The following MRAP variants were observed in gnomAD, a reference collection of about 807,000 sequenced individuals.
MRAP encodes the protein melanocortin-2 receptor accessory protein.
In MRAP, 8 loss-of-function variants were observed where a neutral mutation model predicts 8.7. That is an observed-to-expected ratio of 0.92 (90% CI 0.54 to 1.66). The LOEUF is 1.66. Ranked by LOEUF, MRAP falls within the 40% of genes most tolerant of loss-of-function variation. The probability of loss-of-function intolerance (pLI) is 0.00; values close to 1 mark genes in which losing one functional copy is unlikely to be tolerated. For synonymous variants in MRAP, 95 were observed against 95.5 expected, an observed-to-expected ratio of 1.00 and a Z score of 0.03; for missense variants, 237 against 217.1, an observed-to-expected ratio of 1.09 and a Z score of -0.58.
chr21:32,293,350 G>T (rs1378169309), intron 2 of MRAP, among the ~76,000 whole-genome samples: 5 of 151,860 alleles, frequency 3.3e-5, no homozygotes, highest in African/African-American at 1.2e-4. Flanking sequence ...AATAGAAATT[G>T]ACATAAGGTA....
chr21:32,294,281 A>T (rs1411571817), upstream of MRAP, among the ~76,000 whole-genome samples: 1 of 151,804 alleles, frequency 6.6e-6, no homozygotes, highest in African/African-American at 2.4e-5. Context: ...CACCTGGCTA[A>T]TTTTTTTGTA....
Position 32,298,961 on chromosome 21 carries a change from G to C in MRAP, c.-11G>C. 6.2e-7 allele frequency: 1 copy of C among 1,609,108 alleles called. No individual in the cohort carries two copies. The highest frequency in any genetic ancestry group is 8.5e-7 in the Non-Finnish European group (1 of 1,175,516). ...TGCCGGCCCGGACGCTGACTGCCCA[G>C]TGCCACAGACATGGCCAACGGGACC... On this transcript the variant is annotated 5_prime_UTR_variant, in exon 1 of 3. Coordinates refer to ENST00000303645, the MANE Select transcript of MRAP (RefSeq NM_001379228.1).
chr21:32,299,922 C>G (rs1174327447), intron 1 of MRAP, among the ~76,000 whole-genome samples: 1 of 152,214 alleles, frequency 6.6e-6, no homozygotes, highest in East Asian at 1.9e-4. Flanking sequence ...ACAATCTTCT[C>G]TGAGGAGTCC....
In MRAP at chr21:32,311,682, A is replaced by T. The variant is rs2032575929; in HGVS notation, c.207-2A>T. 6.2e-7 allele frequency: 1 copy of T among 1,613,742 alleles called. No homozygotes were observed. Among genetic ancestry groups the T allele is most frequent in the Non-Finnish European group, 8.5e-7 (1 of 1,179,944 alleles). On this transcript the variant is annotated splice_acceptor_variant, in intron 2 of 2. Transcript: ENST00000303645. LOFTEE classifies it high-confidence loss of function. ...CTGCCTCCCACTCTGCTCTGTTCAC[A>T]GGAACAGCCCCAAGCACCACCAAAC...
chr21:32,295,713 T>C (rs4817480), upstream of MRAP, among the ~76,000 whole-genome samples: 53,783 of 151,966 alleles, frequency 0.35, 9,893 homozygotes, highest in East Asian at 0.49. Context: ...TGGTGGTTCA[T>C]GCCTGTAATC....
rs537525538 is a variant in MRAP at position 32,304,965 on chromosome 21, G to GTTTTTTTTTTTTTTTT, written c.107-1665_107-1650dup. 3.7e-4 allele frequency among the ~76,000 whole-genome samples: 29 copies of GTTTTTTTTTTTTTTTT among 78,126 alleles called. 2 individuals are homozygous for GTTTTTTTTTTTTTTTT. The highest frequency in any genetic ancestry group is 8.1e-4 in the African/African-American group (17 of 20,996). The allele number at this position is 78,126 out of a possible 152,430, so 51.3% of individuals were successfully genotyped here. A position where few individuals can be genotyped will look rare whatever the true frequency, so the allele number is the denominator to read the frequency against. ...TTGAGGGGGATTTGTTTTTTTTGTT[G>GTTTTTTTTTTTTTTTT]TTTTTTTTTTTTTTTTTTTTTTTTT... is the stretch of plus-strand genomic sequence containing the variant. On this transcript the variant is annotated intron_variant, in intron 1 of 2. Transcript: ENST00000303645.
intron 2 of MRAP, 30 bp from the exon 3 acceptor site, chr21:32,311,654 T>C (rs1238915332): frequency 3.7e-6 from 6 of 1,611,520 alleles, no homozygotes; most frequent in Non-Finnish European, 5.1e-6. Flanking sequence ...GCAACTATGA[T>C]GCCTGCCTCC....
chr21:32,297,678 C>T (rs556065573), upstream of MRAP, among the ~76,000 whole-genome samples: 1 of 152,180 alleles, frequency 6.6e-6, no homozygotes, highest in Non-Finnish European at 1.5e-5. Flanking sequence ...GGACACCCAG[C>T]GAGTGTCTAC....
chr21:32,300,732 T>C (rs940035208), intron 1 of MRAP, among the ~76,000 whole-genome samples: 4 of 40,316 alleles, frequency 9.9e-5, no homozygotes, highest in Non-Finnish European at 2.5e-4. Context: ...GCGTCATTCG[T>C]CCTATGTCAG....
intron 1 of MRAP, among the ~76,000 whole-genome samples, chr21:32,300,781 A>G (rs1186265049): frequency 1.4e-5 from 2 of 140,312 alleles, no homozygotes; most frequent in Admixed American, 7.2e-5. Flanking sequence ...CATGCCTCCT[A>G]TGTCGGATGT....
chr21:32,312,856 TTAAGA>T (rs1296375119), downstream of MRAP: 1 of 152,156 alleles, frequency 6.6e-6, no homozygotes, highest in Non-Finnish European at 1.5e-5. Flanking sequence ...CCCGCCCCAC[TTAAGA>T]TATTTCTAAT....
At chr21:32,311,613 C>T in intron 2 of MRAP, 71 bp from the exon 3 acceptor site, 1 of 1,554,130 alleles carries the variant, frequency 6.4e-7, no homozygotes, top group Non-Finnish European at 8.7e-7. Context: ...GGCAGGAAAC[C>T]CCCCAGCCCC....
At chr21:32,304,986 T>G (rs1206197133) in intron 1 of MRAP, among the ~76,000 whole-genome samples, 1 of 146,212 alleles carries the variant, frequency 6.8e-6, no homozygotes, top group East Asian at 2.0e-4. Flanking sequence ...TTTTTTTTTT[T>G]TTTTGAGACA....
upstream of MRAP, among the ~76,000 whole-genome samples, chr21:32,297,915 G>A (rs1313795183): frequency 1.3e-5 from 2 of 152,188 alleles, no homozygotes; most frequent in Non-Finnish European, 2.9e-5. Flanking sequence ...CAGCGGAGGG[G>A]CTCAAGTTAT....
At chr21:32,297,974 T>C (rs562316206), upstream of MRAP, among the ~76,000 whole-genome samples, 11 of 152,324 alleles carry the variant, frequency 7.2e-5, no homozygotes, top group Admixed American at 7.2e-4. Flanking sequence ...TCTGATACTG[T>C]AGACCTGAAT....
At chr21:32,305,411 A>AG (rs2032390987) in intron 1 of MRAP, among the ~76,000 whole-genome samples, 2 of 152,110 alleles carry the variant, frequency 1.3e-5, no homozygotes, top group Non-Finnish European at 2.9e-5. Flanking sequence ...TTCACCCCAG[A>AG]GCCTCCACCT....
chr21:32,311,391 T>A, intron 2 of MRAP: 1 of 467,258 alleles, frequency 2.1e-6, no homozygotes. Context: ...GGATGGGAGG[T>A]CAACCTGCTC....
In MRAP at chr21:32,311,897, C is replaced by T; in HGVS notation, c.420C>T (p.Pro140=). The change falls in exon 3 of 3, where the codon CCC becomes CCT. Residue 140 remains proline (P), a synonymous_variant. Transcript: ENST00000303645. ...CCCTCGGGGGTTTCCAGACCCACCC[C>T]ACTCTCCTCTGGGAACTGACCCTCA... is the stretch of plus-strand genomic sequence containing the variant. ...TLPLGGFQTH[P]TLLWELTLNG... is the part of the protein sequence containing the mutation. 1.2e-6 allele frequency: 2 copies of T among 1,614,020 alleles called. No individual in the cohort carries two copies. The highest frequency in any genetic ancestry group is 1.7e-6 in the Non-Finnish European group (2 of 1,180,044).
intron 1 of MRAP, among the ~76,000 whole-genome samples, chr21:32,303,345 T>C (rs147892332): frequency 0.01 from 1,526 of 152,260 alleles, 28 homozygotes; most frequent in African/African-American, 0.035. Flanking sequence ...AATGGAGGAA[T>C]GCTAAAACTG....
Sources: allele counts gnomAD v4.1 joint callset (sites outside exome capture counted in the v4.1 genomes callset), GRCh38; gene constraint gnomAD v4.1.1; transcripts MANE v1.5; gene names NCBI Gene and HGNC (gene_info 2026-07-23, HGNC 2026-07-21).